Variants in SYNPR observed in about 807,000 individuals in gnomAD.
SYNPR encodes the protein synaptoporin.
In SYNPR, 23 loss-of-function variants were observed where a neutral mutation model predicts 32.9. That is an observed-to-expected ratio of 0.70 (90% CI 0.50 to 0.99). The LOEUF (loss-of-function observed/expected upper bound fraction) is 0.99, where lower values mean the gene tolerates loss of function less well. Among genes scored for constraint, SYNPR ranks in the 50% least tolerant of loss-of-function variants. The pLI, the probability that SYNPR is intolerant of heterozygous loss-of-function variation, is 0.00. For synonymous variants in SYNPR, 146 were observed against 135.9 expected (o/e 1.07, Z -0.52); for missense variants, 318 against 349.3 (o/e 0.91, Z 0.71).
chr3:63,290,125 G>A (rs1442566262), intron 2 of SYNPR, among the ~76,000 whole-genome samples: 10 of 78,052 alleles, frequency 1.3e-4, no homozygotes, highest in Admixed American at 5.8e-4. Context: ...GCAAGACTCC[G>A]TCTCAAAAAA....
At chr3:63,386,472 G>T (rs911680195) in intron 2 of SYNPR, among the ~76,000 whole-genome samples, 2 of 152,156 alleles carry the variant, frequency 1.3e-5, no homozygotes, top group Non-Finnish European at 2.9e-5. Context: ...TGTTCAGATG[G>T]CATTCTTAAT....
At chr3:63,340,629 C>A (rs976236401) in intron 2 of SYNPR, among the ~76,000 whole-genome samples, 5 of 151,694 alleles carry the variant, frequency 3.3e-5, no homozygotes, top group Non-Finnish European at 5.9e-5. Flanking sequence ...CCGTTTTAGC[C>A]GGGATGGTCT....
At chr3:63,256,155 G>A (rs567288848) in intron 2 of SYNPR, among the ~76,000 whole-genome samples, 65 of 152,326 alleles carry the variant, frequency 4.3e-4, no homozygotes, top group Middle Eastern at 3.4e-3. Flanking sequence ...AGGGCATAGC[G>A]AAACAAAAGG....
chr3:63,261,756 T>C (rs2086439918), intron 2 of SYNPR, among the ~76,000 whole-genome samples: 1 of 147,406 alleles, frequency 6.8e-6, no homozygotes, highest in African/African-American at 2.6e-5. Flanking sequence ...AAACCATCAT[T>C]CTGAGCAAAC....
chr3:63,238,727 T>C (rs73106649), intron 1 of SYNPR, among the ~76,000 whole-genome samples: 8,361 of 152,252 alleles, frequency 0.055, 299 homozygotes, highest in Middle Eastern at 0.082. Context: ...TTGACATTCT[T>C]GTGGTTATTT....
intron 2 of SYNPR, among the ~76,000 whole-genome samples, chr3:63,421,596 A>G (rs1699799295): frequency 1.3e-5 from 2 of 152,172 alleles, no homozygotes; most frequent in Admixed American, 6.5e-5. Context: ...TTCATTTCCA[A>G]TTGTTGCATA....
intron 2 of SYNPR, among the ~76,000 whole-genome samples, chr3:63,303,832 A>G (rs544326844): frequency 6.6e-6 from 1 of 152,142 alleles, no homozygotes; most frequent in South Asian, 2.1e-4. Context: ...GATTTTCTTA[A>G]AAGCTACATC....
chr3:63,534,275 G>A (rs926518196), intron 3 of SYNPR, among the ~76,000 whole-genome samples: 6 of 152,150 alleles, frequency 3.9e-5, no homozygotes, highest in African/African-American at 7.2e-5. Flanking sequence ...GAACATTAAG[G>A]TAACTGAATT....
At chr3:63,488,907 G>A (rs1701205333) in intron 3 of SYNPR, among the ~76,000 whole-genome samples, 1 of 152,134 alleles carries the variant, frequency 6.6e-6, no homozygotes, top group South Asian at 2.1e-4. Flanking sequence ...TGACAAATTA[G>A]TCTACCCCAT....
chr3:63,415,040 TA>T (rs2088521723), intron 2 of SYNPR, among the ~76,000 whole-genome samples: 1 of 152,196 alleles, frequency 6.6e-6, no homozygotes, highest in African/African-American at 2.4e-5. Context: ...AGTTCACTAT[TA>T]AAAAGTAAAT....
At chr3:63,338,631 T>C (rs1470330847) in intron 2 of SYNPR, among the ~76,000 whole-genome samples, 1 of 152,192 alleles carries the variant, frequency 6.6e-6, no homozygotes, top group African/African-American at 2.4e-5. Context: ...TATATTGTAT[T>C]AGGTCATGTT....
chr3:63,450,494 G>T (rs1268757356), intron 2 of SYNPR, among the ~76,000 whole-genome samples: 1 of 152,142 alleles, frequency 6.6e-6, no homozygotes, highest in Non-Finnish European at 1.5e-5. Flanking sequence ...GTGAGCTGAA[G>T]AACCATTTTA....
At chr3:63,472,899 T>C (rs1182420563) in intron 2 of SYNPR, among the ~76,000 whole-genome samples, 1 of 152,152 alleles carries the variant, frequency 6.6e-6, no homozygotes, top group Non-Finnish European at 1.5e-5. Flanking sequence ...AGGCTGTCTG[T>C]TATAAGTGCT....
chr3:63,582,341 CT>C (rs1703107812), intron 4 of SYNPR, among the ~76,000 whole-genome samples: 1 of 151,906 alleles, frequency 6.6e-6, no homozygotes, highest in South Asian at 2.1e-4. Context: ...TAGCTAATTC[CT>C]TTTTCTCATC....
chr3:63,533,911 A>G (rs917343487), intron 3 of SYNPR, among the ~76,000 whole-genome samples: 4 of 152,152 alleles, frequency 2.6e-5, no homozygotes, highest in African/African-American at 9.7e-5. Flanking sequence ...AGAGAGATTG[A>G]GTGTTTTGGC....
At chr3:63,251,642 A>C (rs192777894) in intron 1 of SYNPR, among the ~76,000 whole-genome samples, 2 of 152,266 alleles carry the variant, frequency 1.3e-5, no homozygotes, top group Admixed American at 1.3e-4. Flanking sequence ...CAACGTAGAC[A>C]TATCAAAGAG....
At chr3:63,411,595 A>T (rs1448131753) in intron 2 of SYNPR, among the ~76,000 whole-genome samples, 1 of 152,136 alleles carries the variant, frequency 6.6e-6, no homozygotes, top group Non-Finnish European at 1.5e-5. Context: ...TACAGTTGAG[A>T]TTTGAAGGCC....
At chr3:63,413,737 A>G (rs2088500164) in intron 2 of SYNPR, among the ~76,000 whole-genome samples, 1 of 152,184 alleles carries the variant, frequency 6.6e-6, no homozygotes, top group Non-Finnish European at 1.5e-5. Flanking sequence ...AGTTGCTGGC[A>G]GCTGCTGATG....
upstream of SYNPR, among the ~76,000 whole-genome samples, chr3:63,274,084 G>A (rs1162022744): frequency 6.6e-6 from 1 of 152,184 alleles, no homozygotes; most frequent in East Asian, 1.9e-4. Flanking sequence ...CATGAGCAGA[G>A]AGTTAAATAT....
Sources: gnomAD v4.1 joint callset for allele counts (sites outside exome capture counted in the v4.1 genomes callset) on GRCh38, gnomAD v4.1.1 for gene constraint, MANE v1.5 for transcripts, NCBI Gene and HGNC (gene_info 2026-07-23, HGNC 2026-07-21) for gene names.